DLG2: variants seen among roughly 807,000 people sequenced by gnomAD.
The protein encoded by DLG2 is disks large homolog 2.
In DLG2, 45 loss-of-function variants were observed where a neutral mutation model predicts 132.5. The ratio of observed to expected loss-of-function variants is 0.34; its 90% CI spans 0.27 to 0.44. The LOEUF (loss-of-function observed/expected upper bound fraction) is 0.44. DLG2 is among the 20% of genes least tolerant of loss of function. DLG2 has a pLI of 1.00. For missense variants in DLG2, 1,045 were observed against 1,196.9 expected, an observed-to-expected ratio of 0.87 and a Z score of 1.87; for synonymous variants, 424 against 419.6, an observed-to-expected ratio of 1.01 and a Z score of -0.13.
chr11:84,265,066 C>T (rs952950469), intron 7 of DLG2, among the ~76,000 whole-genome samples: 5 of 152,140 alleles, frequency 3.3e-5, no homozygotes, highest in Admixed American at 6.6e-5. Flanking sequence ...TAAGATCTTT[C>T]TCCTCACTTC....
chr11:84,032,263 A>T (rs572233137), intron 11 of DLG2, among the ~76,000 whole-genome samples: 3 of 152,324 alleles, frequency 2.0e-5, no homozygotes, highest in African/African-American at 2.4e-5. Flanking sequence ...TAGGCCTCCT[A>T]TGCCAAACAG....
At position 84,400,387 on chromosome 11, in the gene DLG2, G is replaced by A. The variant is rs183253370; in HGVS notation, c.519+134183C>T. The stretch of plus-strand genomic sequence containing the variant: ...AACAGAGGTGCATTAAGATTAACTA[G>A]ACCATATAGCTCACTGGTGAAGTAA... On this transcript the variant is annotated intron_variant, in intron 7 of 27. Transcript: ENST00000376104. Among the ~76,000 whole-genome samples, 190 of 152,244 alleles carry A rather than the reference G, an allele frequency of 1.2e-3. 2 individuals are homozygous for A. The highest frequency in any genetic ancestry group is 4.4e-3 in the African/African-American group (183 of 41,542).
intron 11 of DLG2, among the ~76,000 whole-genome samples, chr11:83,991,165 A>G (rs1484787536): frequency 2.6e-5 from 4 of 152,228 alleles, no homozygotes; most frequent in African/African-American, 9.6e-5. Context: ...ATTAAAAGCC[A>G]AAGCATTATC....
chr11:83,630,128 T>G (rs1164595112), intron 19 of DLG2, among the ~76,000 whole-genome samples: 1 of 151,974 alleles, frequency 6.6e-6, no homozygotes, highest in African/African-American at 2.4e-5. Flanking sequence ...GATTAGAAAA[T>G]AGAGAGGGTT....
At chr11:85,553,654 T>C (rs1267454309) in intron 3 of DLG2, among the ~76,000 whole-genome samples, 2 of 151,602 alleles carry the variant, frequency 1.3e-5, no homozygotes, top group Non-Finnish European at 3.0e-5. Context: ...GAAATGTTAA[T>C]AATCAACATT....
chr11:84,471,456 C>A (rs2099108119), intron 7 of DLG2, among the ~76,000 whole-genome samples: 1 of 151,766 alleles, frequency 6.6e-6, no homozygotes, highest in Non-Finnish European at 1.5e-5. Flanking sequence ...GCCATTGGCT[C>A]CTGGGTTCTT....
At chr11:84,631,662 C>T (rs2099632417) in intron 6 of DLG2, among the ~76,000 whole-genome samples, 7 of 151,976 alleles carry the variant, frequency 4.6e-5, no homozygotes, top group African/African-American at 1.2e-4. Context: ...ACTCCCCTGC[C>T]CAATACATAC....
intron 2 of DLG2, among the ~76,000 whole-genome samples, chr11:85,609,657 C>G (rs2080849414): frequency 6.6e-6 from 1 of 152,186 alleles, no homozygotes; most frequent in Non-Finnish European, 1.5e-5. Context: ...CAGTAACCCC[C>G]AATAAGAAGA....
At chr11:84,334,328 C>A (rs1235337430) in intron 7 of DLG2, among the ~76,000 whole-genome samples, 1 of 152,126 alleles carries the variant, frequency 6.6e-6, no homozygotes, top group Non-Finnish European at 1.5e-5. Flanking sequence ...AGGGACCATG[C>A]AAGTTTGGAG....
rs1310402554 is a variant in DLG2 at position 83,536,383 on chromosome 11, C to CA, written c.2118-3601dup. On this transcript the variant is annotated intron_variant, in intron 20 of 27. Transcript: ENST00000376104. Reference sequence around the variant, plus strand: ...AGTGCATTCCCATCACAGAGGCTTGCAGTACTGCTTCTTGGGGTTCTCTGC... The same window carrying CA: ...AGTGCATTCCCATCACAGAGGCTTGCAAGTACTGCTTCTTGGGGTTCTCTGC... Among the ~76,000 whole-genome samples, 6 of 152,258 alleles carry CA rather than the reference C, an allele frequency of 3.9e-5. No individual in the cohort carries two copies. In the East Asian group the frequency reaches 1.2e-3, roughly 29 times the overall value.
At chr11:84,174,188 T>TGA (rs2095892183) in intron 8 of DLG2, among the ~76,000 whole-genome samples, 1 of 151,932 alleles carries the variant, frequency 6.6e-6, no homozygotes, top group East Asian at 1.9e-4. Context: ...TTTACATTTG[T>TGA]TATCAATTCC....
intron 8 of DLG2, among the ~76,000 whole-genome samples, chr11:84,222,163 G>A (rs904341923): frequency 1.3e-5 from 2 of 151,964 alleles, no homozygotes; most frequent in African/African-American, 2.4e-5. Flanking sequence ...CTCCCAAGTA[G>A]CTGGTATTAC....
chr11:84,480,901 G>A (rs2099135543), intron 7 of DLG2, among the ~76,000 whole-genome samples: 1 of 151,844 alleles, frequency 6.6e-6, no homozygotes, highest in African/African-American at 2.4e-5. Context: ...ACTATGCCTG[G>A]TTGATTTTTG....
chr11:85,061,995 T>G (rs1018201230), intron 6 of DLG2, among the ~76,000 whole-genome samples: 33 of 151,740 alleles, frequency 2.2e-4, no homozygotes, highest in African/African-American at 8.0e-4. Flanking sequence ...GTTGAAAAAT[T>G]TGAGGTTAAC....
intron 3 of DLG2, among the ~76,000 whole-genome samples, chr11:85,390,675 T>C (rs1331035724): frequency 6.6e-6 from 1 of 152,090 alleles, no homozygotes; most frequent in Non-Finnish European, 1.5e-5. Context: ...TTAAATAATA[T>C]GCTCCTGAAC....
intron 6 of DLG2, among the ~76,000 whole-genome samples, chr11:85,105,258 G>A (rs2071555109): frequency 6.6e-6 from 1 of 151,744 alleles, no homozygotes; most frequent in East Asian, 1.9e-4. Context: ...AAATACTGTG[G>A]GTTCCCTTTC....
At chr11:84,747,778 T>C (rs532059279) in intron 6 of DLG2, among the ~76,000 whole-genome samples, 2 of 151,222 alleles carry the variant, frequency 1.3e-5, no homozygotes, top group South Asian at 4.2e-4. Context: ...AGGTGCTGGG[T>C]ATCGTAAATG....
intron 16 of DLG2, among the ~76,000 whole-genome samples, chr11:83,868,671 G>A (rs1015001943): frequency 6.6e-5 from 10 of 151,950 alleles, no homozygotes; most frequent in South Asian, 2.1e-4. Flanking sequence ...TTAAATATCT[G>A]TGATAAGCAA....
At chr11:84,568,294 A>T (rs1049420540) in intron 6 of DLG2, among the ~76,000 whole-genome samples, 9 of 152,188 alleles carry the variant, frequency 5.9e-5, no homozygotes, top group African/African-American at 2.2e-4. Context: ...GGATCACTTG[A>T]GGACAGGAGT....
Sources: allele counts gnomAD v4.1 joint callset (sites outside exome capture counted in the v4.1 genomes callset), GRCh38; gene constraint gnomAD v4.1.1; transcripts MANE v1.5; gene names NCBI Gene and HGNC (gene_info 2026-07-23, HGNC 2026-07-21).